Variants in PIBF1 observed in about 807,000 individuals in gnomAD.
The protein encoded by PIBF1 is progesterone immunomodulatory binding factor 1.
PIBF1 carries 90 observed loss-of-function variants against 112.5 expected under a neutral mutation model. The observed-to-expected ratio is 0.80, with a 90% confidence interval of 0.67 to 0.95. PIBF1 has a LOEUF of 0.95. Ranked by LOEUF, PIBF1 falls within the 40% of genes least tolerant of loss-of-function variation. The probability of loss-of-function intolerance (pLI) is 0.00; values close to 1 mark genes in which losing one functional copy is unlikely to be tolerated. For synonymous variants in PIBF1, 301 were observed against 288.6 expected (o/e 1.04, Z -0.44); for missense variants, 915 against 852.3 (o/e 1.07, Z -0.92).
At chr13:72,897,068 T>C (rs1045221817) in intron 11 of PIBF1, among the ~76,000 whole-genome samples, 2 of 152,152 alleles carry the variant, frequency 1.3e-5, no homozygotes, top group African/African-American at 4.8e-5. Flanking sequence ...GGTTTTCCTA[T>C]AGAGGAAAAC....
intron 17 of PIBF1, among the ~76,000 whole-genome samples, chr13:73,005,320 T>A (rs1419289741): frequency 4.0e-5 from 6 of 151,330 alleles, no homozygotes; most frequent in Admixed American, 1.3e-4. Context: ...ATTTTTTTTT[T>A]AAATTAGCCA....
rs1555283057 is a variant in PIBF1 at position 72,795,557 on chromosome 13, T to C, written c.552T>C (p.Ser184=). Residue 184 remains serine (S), a splice_region_variant and synonymous_variant, in exon 4 of 18, where the codon TCT becomes TCC. Coordinates refer to ENST00000326291, the MANE Select transcript of PIBF1 (RefSeq NM_006346.4). The part of the protein sequence containing the change: ...EDQLSIPEYV[S]VRFYELVNPL... ...AGCTTTCTATTCCTGAATATGTATC[T>C]GTAAGTATCTTATATCTATTTTTAA... 6.8e-7 allele frequency: 1 copy of C among 1,477,046 alleles called. No homozygotes were observed. Among genetic ancestry groups the C allele is most frequent in the Non-Finnish European group, 9.3e-7 (1 of 1,071,162 alleles). The allele number at this position is 1,477,046 out of a possible 1,614,324, so 91.5% of individuals were successfully genotyped here.
intron 5 of PIBF1, among the ~76,000 whole-genome samples, chr13:72,814,647 T>A (rs778553615): frequency 6.6e-6 from 1 of 151,746 alleles, no homozygotes; most frequent in Non-Finnish European, 1.5e-5. Context: ...AATAAAACAA[T>A]GAAAATGAGA....
chr13:72,986,040 A>G (rs976367326), intron 16 of PIBF1, among the ~76,000 whole-genome samples: 13 of 151,902 alleles, frequency 8.6e-5, no homozygotes, highest in African/African-American at 2.7e-4. Flanking sequence ...GCTCGTGCCT[A>G]TAGTCCCAGC....
intron 13 of PIBF1, among the ~76,000 whole-genome samples, chr13:72,922,334 A>G (rs1037069478): frequency 1.3e-5 from 2 of 152,152 alleles, no homozygotes; most frequent in Non-Finnish European, 2.9e-5. Context: ...GGCTTATACA[A>G]TTAAAGTAGA....
chr13:72,844,403 A>G (rs952311326), intron 9 of PIBF1, among the ~76,000 whole-genome samples: 4 of 152,104 alleles, frequency 2.6e-5, no homozygotes, highest in Non-Finnish European at 4.4e-5. Flanking sequence ...GGTTTGTTAC[A>G]TAGGTATACA....
At chr13:73,003,567 T>C (rs948508065) in intron 17 of PIBF1, among the ~76,000 whole-genome samples, 2 of 151,140 alleles carry the variant, frequency 1.3e-5, no homozygotes, top group African/African-American at 4.9e-5. Context: ...GGAAGGAAAA[T>C]TAGTGTAGTC....
At position 72,827,869 on chromosome 13, in the gene PIBF1, G is replaced by A; in HGVS notation, c.1052G>A (p.Ser351Asn). 1.3e-6 allele frequency: 2 copies of A among 1,587,904 alleles called. No individual in the cohort carries two copies. Among genetic ancestry groups the A allele is most frequent in the Non-Finnish European group, 1.7e-6 (2 of 1,167,296 alleles). The change falls in exon 8 of 18, where the codon AGC (serine) becomes AAC (asparagine). Residue 351 changes from serine to asparagine, a missense_variant. Transcript: ENST00000326291. Reference sequence around the variant, plus strand: ...AGACTTCAAGCTCAACTGGAAGAAAGCAAAAAGGCTAGAGAAGAGATGTAT... The same window carrying A: ...AGACTTCAAGCTCAACTGGAAGAAAACAAAAAGGCTAGAGAAGAGATGTAT... Reference protein sequence around the residue: ...LERLQAQLEESKKAREEMYEK... With the variant: ...LERLQAQLEENKKAREEMYEK...
At chr13:72,843,304 G>A (rs1322899130) in intron 9 of PIBF1, among the ~76,000 whole-genome samples, 1 of 152,220 alleles carries the variant, frequency 6.6e-6, no homozygotes, top group Non-Finnish European at 1.5e-5. Context: ...ATACGTAGGA[G>A]AATTGGCAAG....
chr13:73,001,677 G>A (rs1483365195), intron 17 of PIBF1, among the ~76,000 whole-genome samples: 1 of 144,662 alleles, frequency 6.9e-6, no homozygotes, highest in African/African-American at 2.5e-5. Flanking sequence ...AGGCTGGAGT[G>A]CAGTGGCGTG....
At chr13:72,989,652 G>T (rs1447747661) in intron 16 of PIBF1, among the ~76,000 whole-genome samples, 1 of 152,044 alleles carries the variant, frequency 6.6e-6, no homozygotes, top group Non-Finnish European at 1.5e-5. Context: ...GTTTGTTTTT[G>T]TTTTTTGTTT....
chr13:72,999,208 AGT>A, intron 17 of PIBF1, among the ~76,000 whole-genome samples: 1 of 152,128 alleles, frequency 6.6e-6, no homozygotes, highest in Non-Finnish European at 1.5e-5. Flanking sequence ...TTCCTCATAA[AGT>A]GTGAAATCAA....
intron 5 of PIBF1, among the ~76,000 whole-genome samples, chr13:72,820,267 C>T (rs2036490657): frequency 6.6e-6 from 1 of 152,086 alleles, no homozygotes. Context: ...CTGGAGCTTG[C>T]CTTCCTAGCC....
chr13:72,785,054 T>G (rs1346738147), intron 2 of PIBF1, among the ~76,000 whole-genome samples: 1 of 152,046 alleles, frequency 6.6e-6, no homozygotes, highest in Non-Finnish European at 1.5e-5. Flanking sequence ...CTGGGATCAC[T>G]TTTATAAGGG....
intron 10 of PIBF1, among the ~76,000 whole-genome samples, chr13:72,871,175 A>G (rs1431280243): frequency 6.6e-6 from 1 of 152,102 alleles, no homozygotes; most frequent in Non-Finnish European, 1.5e-5. Flanking sequence ...AGATTTTTCC[A>G]CCTGTTCTCT....
intron 13 of PIBF1, among the ~76,000 whole-genome samples, chr13:72,928,006 C>CACACATAT (rs750684543): frequency 2.0e-5 from 2 of 101,804 alleles, no homozygotes; most frequent in African/African-American, 1.1e-4. Flanking sequence ...CATATATATA[C>CACACATAT]ATATATATAC....
chr13:72,997,163 C>A (rs1038745564), intron 16 of PIBF1, among the ~76,000 whole-genome samples: 1 of 152,130 alleles, frequency 6.6e-6, no homozygotes, highest in Admixed American at 6.6e-5. Context: ...ATTTTATCTT[C>A]ATGCCAAAGA....
At chr13:72,901,539 G>A (rs773576682) in intron 11 of PIBF1, among the ~76,000 whole-genome samples, 1 of 152,082 alleles carries the variant, frequency 6.6e-6, no homozygotes, top group Non-Finnish European at 1.5e-5. Context: ...TAAAAAATTA[G>A]CCAGGCATGG....
intron 17 of PIBF1, among the ~76,000 whole-genome samples, chr13:73,006,060 C>G (rs1275631701): frequency 6.9e-6 from 1 of 145,042 alleles, no homozygotes; most frequent in Non-Finnish European, 1.5e-5. Flanking sequence ...GCTGGGATTA[C>G]AGGGACGCAC....
Sources: allele counts gnomAD v4.1 joint callset (sites outside exome capture counted in the v4.1 genomes callset), GRCh38; gene constraint gnomAD v4.1.1; transcripts MANE v1.5; gene names NCBI Gene and HGNC (gene_info 2026-07-23, HGNC 2026-07-21).